Variants in CMYA5 observed in about 807,000 individuals in gnomAD.
CMYA5 encodes cardiomyopathy-associated protein 5.
CMYA5 carries 246 observed loss-of-function variants against 318.9 expected under a neutral mutation model. The observed-to-expected ratio is 0.77, with a 90% CI of 0.70 to 0.86. The LOEUF (loss-of-function observed/expected upper bound fraction) is 0.86, where lower values mean the gene tolerates loss of function less well. Ranked by LOEUF, CMYA5 falls within the 40% of genes least tolerant of loss-of-function variation. The pLI, the probability that CMYA5 is intolerant of heterozygous loss-of-function variation, is 0.00. For synonymous variants in CMYA5, 1,641 were observed against 1,729.5 expected (o/e 0.95, Z 1.27); for missense variants, 4,589 against 4,678.2 (o/e 0.98, Z 0.56).
intron 6 of CMYA5, among the ~76,000 whole-genome samples, chr5:79,754,594 A>G (rs1828493132): frequency 6.6e-6 from 1 of 152,098 alleles, no homozygotes; most frequent in African/African-American, 2.4e-5. Flanking sequence ...GATGAGAGAA[A>G]CAGATCATGA....
Position 79,736,529 on chromosome 5 carries a change from A to G in CMYA5, c.7764A>G (p.Leu2588=). ...TGGGTGAAACTCAATCATTTTCATT[A>G]GTTAAAGCTACATCAGTTACTGAAA... is the stretch of plus-strand genomic sequence containing the variant. ...HSLGETQSFS[L]VKATSVTEKS... The change falls in exon 2 of 13, where the codon TTA becomes TTG. Residue 2588 remains leucine (L), a synonymous_variant. Coordinates refer to ENST00000446378, the MANE Select transcript of CMYA5 (RefSeq NM_153610.5). 2 of 1,613,558 alleles carry G rather than the reference A, an allele frequency of 1.2e-6. No homozygotes were observed. Among genetic ancestry groups the G allele is most frequent in the Non-Finnish European group, 1.7e-6 (2 of 1,179,708 alleles).
intron 7 of CMYA5, 76 bp from the exon 8 acceptor site, chr5:79,761,735 G>A: frequency 2.8e-6 from 4 of 1,445,004 alleles, no homozygotes; most frequent in Non-Finnish European, 3.7e-6. Context: ...GAAAATCATA[G>A]ATGACTTTCT....
chr5:79,716,660 A>G (rs1827523125), intron 1 of CMYA5, among the ~76,000 whole-genome samples: 2 of 152,232 alleles, frequency 1.3e-5, no homozygotes, highest in Non-Finnish European at 1.5e-5. Flanking sequence ...GTTTACTCCT[A>G]CACTCTTGTA....
chr5:79,740,037 A>C (rs1213018013), intron 2 of CMYA5, among the ~76,000 whole-genome samples: 1 of 152,256 alleles, frequency 6.6e-6, no homozygotes, highest in East Asian at 1.9e-4. Flanking sequence ...AAATAATACA[A>C]ATAAAAACAA....
At position 79,737,520 on chromosome 5, in the gene CMYA5, G is replaced by T; in HGVS notation, c.8755G>T (p.Asp2919Tyr). The change falls in exon 2 of 13, where the codon GAC becomes TAC. Residue 2919 changes from aspartate to tyrosine, a missense_variant. By Grantham distance (160) the Asp-to-Tyr change is radical. This residue lies in a region of CMYA5 where 2,431 missense variants were observed against 2,495.1 expected (regional missense o/e 0.97). Transcript: ENST00000446378. The stretch of plus-strand genomic sequence containing the variant: ...TAAAGAAATGCCCAAGGAACCTGAA[G>T]ACACATATGCAAAAGGTGAAGACTT... The part of the protein sequence containing the change: ...SNKEMPKEPE[D>Y]TYAKGEDFTV... 1 of 1,613,476 alleles carries T rather than the reference G, an allele frequency of 6.2e-7. No homozygotes were observed.
At position 79,735,313 on chromosome 5, in the gene CMYA5, C is replaced by T; in HGVS notation, c.6548C>T (p.Ser2183Phe). The change falls in exon 2 of 13, where the codon TCC (serine) becomes TTC (phenylalanine). Residue 2183 changes from serine (S) to phenylalanine (F), a missense_variant. By Grantham distance (155) the Ser-to-Phe change is radical. This residue lies in a region of CMYA5 where 2,431 missense variants were observed against 2,495.1 expected (regional missense o/e 0.97). Coordinates refer to ENST00000446378, the MANE Select transcript of CMYA5 (RefSeq NM_153610.5). ...KGISSFKSWM[S>F]SLFFGSSTPD... ...ATTTCATCTTTCAAATCGTGGATGT[C>T]CAGCTTGTTTTTTGGATCGAGCACT... The T allele has an allele frequency of 1.2e-6, 2 of 1,613,812 alleles. No individual in the cohort carries two copies. The highest frequency in any genetic ancestry group is 1.7e-6 in the Non-Finnish European group (2 of 1,179,832).
In CMYA5 at chr5:79,734,857, C is replaced by T. The variant is rs1297988995; in HGVS notation, c.6092C>T (p.Pro2031Leu). ...LEKANTELSW[P>L]SKEDSQEKIK... ...AAAGCAAACACAGAGCTTTCCTGGC[C>T]TTCCAAAGAAGATAGCCAGGAAAAA... The change falls in exon 2 of 13, where the codon CCT becomes CTT. Residue 2031 changes from proline (P) to leucine (L), a missense_variant. Transcript: ENST00000446378. 6.2e-7 allele frequency: 1 copy of T among 1,613,530 alleles called. No individual in the cohort carries two copies. Among genetic ancestry groups the T allele is most frequent in the Non-Finnish European group, 8.5e-7 (1 of 1,179,792 alleles).
rs778272543 is a variant in CMYA5 at position 79,734,307 on chromosome 5, G to T, written c.5542G>T (p.Asp1848Tyr). 42 of 1,613,626 alleles carry T rather than the reference G, an allele frequency of 2.6e-5. No homozygotes were observed. The highest frequency in any genetic ancestry group is 3.5e-5 in the Non-Finnish European group (41 of 1,179,782). ...AAGCACCTCTTCTGAAGATAAACAA[G>T]ATCTGGGTATTAAGCAGTTTTCACT... ...DVSTSSEDKQ[D>Y]LGIKQFSLMR... The change falls in exon 2 of 13, where the codon GAT becomes TAT. Residue 1848 changes from aspartate (D) to tyrosine (Y), a missense_variant. This residue lies in a region of CMYA5 where 2,132 missense variants were observed against 2,131.3 expected (regional missense o/e 1.00). Coordinates refer to ENST00000446378, the MANE Select transcript of CMYA5 (RefSeq NM_153610.5).
chr5:79,768,414 G>C (rs371431537), intron 9 of CMYA5, among the ~76,000 whole-genome samples: 2 of 148,774 alleles, frequency 1.3e-5, no homozygotes, highest in African/African-American at 5.0e-5. Context: ...TTACAATTTG[G>C]TATGTTTTTG....
At chr5:79,693,337 T>G (rs1258882312) in intron 1 of CMYA5, among the ~76,000 whole-genome samples, 3 of 22,242 alleles carry the variant, frequency 1.3e-4, no homozygotes, top group African/African-American at 3.7e-3. Context: ...AGTCACACAA[T>G]TTTTTTTTTT....
chr5:79,731,224 C>T lies in CMYA5; in HGVS notation c.2459C>T (p.Ser820Phe). The T allele has an allele frequency of 6.2e-7, 1 of 1,614,020 alleles. No individual in the cohort carries two copies. Among genetic ancestry groups the T allele is most frequent in the Non-Finnish European group, 8.5e-7 (1 of 1,179,896 alleles). Residue 820 changes from serine to phenylalanine, a missense_variant, in exon 2 of 13, where the codon TCC becomes TTC. By Grantham distance (155) the Ser-to-Phe change is radical. This residue lies in a region of CMYA5 where 2,132 missense variants were observed against 2,131.3 expected (regional missense o/e 1.00). Coordinates refer to ENST00000446378, the MANE Select transcript of CMYA5 (RefSeq NM_153610.5). ...CAAAAGAAAATAATCAATGAGGCAT[C>T]CCAATTCAAACCAAAAGGTATTTCT... ...ESQKKIINEASQFKPKGISEH... is the reference protein window; with the variant it reads ...ESQKKIINEAFQFKPKGISEH...
In CMYA5 at chr5:79,784,818, G is replaced by T. The variant is rs1325412078; in HGVS notation, c.11556-4153G>T. ...ACACACTGGCCTGCGCCCACTGTCT[G>T]GCACTCCCTAGTGAGATGAACCCGG... On this transcript the variant is annotated intron_variant, in intron 9 of 12. Transcript: ENST00000446378. Among the ~76,000 whole-genome samples, 4 of 149,974 alleles carry T rather than the reference G, an allele frequency of 2.7e-5. 1 individual carries two copies. In the South Asian group the frequency reaches 6.4e-4, roughly 24 times the overall value.
chr5:79,749,583 GT>G (rs1423375147), intron 5 of CMYA5, among the ~76,000 whole-genome samples: 6 of 151,968 alleles, frequency 3.9e-5, no homozygotes, highest in African/African-American at 1.5e-4. Context: ...TTAAGAAAAT[GT>G]TAGGTATGTC....
intron 1 of CMYA5, among the ~76,000 whole-genome samples, chr5:79,716,367 A>C (rs1014644945): frequency 6.6e-6 from 1 of 152,258 alleles, no homozygotes; most frequent in Non-Finnish European, 1.5e-5. Context: ...ACAGATTTAT[A>C]TACCCAGTCA....
Position 79,729,028 on chromosome 5 carries a change from A to G in CMYA5, c.263A>G (p.Asn88Ser), listed in dbSNP as rs1827809550. 1.9e-6 allele frequency: 3 copies of G among 1,613,886 alleles called. No homozygotes were observed. The highest frequency in any genetic ancestry group is 1.3e-5 in the African/African-American group (1 of 74,930). The change falls in exon 2 of 13, where the codon AAT becomes AGT. Residue 88 changes from asparagine to serine, a missense_variant. Physicochemically the swap from Asn to Ser is conservative, Grantham distance 46 (BLOSUM62 1). Transcript: ENST00000446378. ...GATAGTGGGATAACCTGGGAAACCA[A>G]TTCAAGTAGATCTTCTACTCCTTGG... ...REDSGITWETNSSRSSTPWAS... is the reference protein window; with the variant it reads ...REDSGITWETSSSRSSTPWAS...
intron 5 of CMYA5, among the ~76,000 whole-genome samples, chr5:79,747,395 A>C (rs2151091132): frequency 6.6e-6 from 1 of 152,368 alleles, no homozygotes; most frequent in Admixed American, 6.5e-5. Flanking sequence ...CTTTCCTGTC[A>C]CTGCATATAG....
chr5:79,757,527 A>G (rs1178543737), intron 6 of CMYA5, among the ~76,000 whole-genome samples: 1 of 152,250 alleles, frequency 6.6e-6, no homozygotes, highest in Non-Finnish European at 1.5e-5. Context: ...AATTAAAAAA[A>G]TTGATAGGGC....
At chr5:79,798,495 C>T (rs1001598730) in intron 12 of CMYA5, among the ~76,000 whole-genome samples, 3 of 152,138 alleles carry the variant, frequency 2.0e-5, no homozygotes, top group African/African-American at 7.2e-5. Flanking sequence ...GCAGTTTCTC[C>T]TTTCCAGCCT....
chr5:79,734,689 T>C lies in CMYA5; in HGVS notation c.5924T>C (p.Leu1975Ser). 1 of 1,613,874 alleles carries C rather than the reference T, an allele frequency of 6.2e-7. No homozygotes were observed. The highest frequency in any genetic ancestry group is 8.5e-7 in the Non-Finnish European group (1 of 1,179,814). Residue 1975 changes from leucine to serine, a missense_variant, in exon 2 of 13, where the codon TTA becomes TCA. This residue lies in a region of CMYA5 where 2,431 missense variants were observed against 2,495.1 expected (regional missense o/e 0.97). Transcript: ENST00000446378. ...LDTSSGNTET[L>S]SSKSYSSEEV... ...ACTTCCAGTGGTAATACAGAGACCT[T>C]ATCAAGTAAAAGTTACTCTTCTGAA...
Sources: allele counts gnomAD v4.1 joint callset (sites outside exome capture counted in the v4.1 genomes callset), GRCh38; gene constraint gnomAD v4.1.1; regional missense constraint gnomAD v4.1.1; transcripts MANE v1.5; gene names NCBI Gene and HGNC (gene_info 2026-07-23, HGNC 2026-07-21).